CAMTA1: variants seen among roughly 807,000 people sequenced by gnomAD.
CAMTA1 encodes the protein calmodulin binding transcription activator 1.
Under a neutral mutation model 170.9 loss-of-function variants are expected in CAMTA1, and 27 were observed. That is an observed-to-expected ratio of 0.16 (90% CI 0.12 to 0.22). The LOEUF (loss-of-function observed/expected upper bound fraction) is 0.22. CAMTA1 is among the 10% of genes least tolerant of loss of function. The pLI is 1.00. For missense variants in CAMTA1, 1,619 were observed against 2,217.2 expected (o/e 0.73, Z 5.42); for synonymous variants, 833 against 891.5 (o/e 0.93, Z 1.17).
chr1:6,830,582 A>T (rs1470237649), intron 3 of CAMTA1, among the ~76,000 whole-genome samples: 1 of 152,168 alleles, frequency 6.6e-6, no homozygotes, highest in East Asian at 1.9e-4. Flanking sequence ...ACCTCAGGTG[A>T]TCCGCCTGCC....
chr1:7,414,004 A>G (rs375905148), intron 5 of CAMTA1, among the ~76,000 whole-genome samples: 2,128 of 152,254 alleles, frequency 0.014, 50 homozygotes, highest in African/African-American at 0.048. Context: ...TTCTGCATCT[A>G]TTGAGATAAT....
chr1:7,433,050 G>C (rs1230833339), intron 5 of CAMTA1, among the ~76,000 whole-genome samples: 2 of 152,226 alleles, frequency 1.3e-5, no homozygotes, highest in Non-Finnish European at 2.9e-5. Context: ...TGACCACCGG[G>C]TATGCCGGCC....
chr1:7,303,882 A>C (rs1675174822), intron 5 of CAMTA1, among the ~76,000 whole-genome samples: 1 of 152,220 alleles, frequency 6.6e-6, no homozygotes, highest in African/African-American at 2.4e-5. Flanking sequence ...TTACAACAGC[A>C]AGCGAAAGCC....
At chr1:7,622,995 C>A (rs1049022586) in intron 6 of CAMTA1, among the ~76,000 whole-genome samples, 10 of 152,260 alleles carry the variant, frequency 6.6e-5, no homozygotes, top group African/African-American at 2.4e-4. Flanking sequence ...TCTCCCAGAG[C>A]TCCCCACAGC....
At chr1:6,790,072 C>T (rs1036610474) in intron 1 of CAMTA1, among the ~76,000 whole-genome samples, 5 of 151,512 alleles carry the variant, frequency 3.3e-5, no homozygotes, top group African/African-American at 9.7e-5. Flanking sequence ...CCTCAGCCTC[C>T]CTTGCCTCAG....
chr1:7,492,753 A>C, intron 6 of CAMTA1, among the ~76,000 whole-genome samples: 1 of 144,958 alleles, frequency 6.9e-6, no homozygotes, highest in Admixed American at 6.9e-5. Flanking sequence ...GCGCGCACAC[A>C]CACACAAACC....
chr1:7,154,793 C>A (rs1646769899), intron 4 of CAMTA1, among the ~76,000 whole-genome samples: 1 of 152,094 alleles, frequency 6.6e-6, no homozygotes, highest in Non-Finnish European at 1.5e-5. Flanking sequence ...TTATTGGACT[C>A]CAAATCTTTA....
rs1272841719 is a variant in CAMTA1 at position 7,270,230 on chromosome 1, T to TACACAC, written c.438+20609_438+20610insCACACA. On this transcript the variant is annotated intron_variant, in intron 5 of 22. Transcript: ENST00000303635. Reference sequence around the variant, plus strand: ...ATATATATACATATATACATATATATACACATATATACATACACACACACA... The same window carrying TACACAC: ...ATATATATACATATATACATATATATACACACACACATATATACATACACACACACA... 3.2e-4 allele frequency among the ~76,000 whole-genome samples: 29 copies of TACACAC among 91,192 alleles called. 2 individuals carry two copies. The highest frequency in any genetic ancestry group is 1.8e-3 in the South Asian group (5 of 2,790). The allele number at this position is 91,192 out of a possible 152,430, so 59.8% of individuals were successfully genotyped here.
chr1:7,035,266 G>A (rs1463450191), intron 3 of CAMTA1, among the ~76,000 whole-genome samples: 1 of 152,114 alleles, frequency 6.6e-6, no homozygotes, highest in Non-Finnish European at 1.5e-5. Context: ...CGGGTGTGGT[G>A]GCACGCGCCT....
intron 3 of CAMTA1, among the ~76,000 whole-genome samples, chr1:7,012,117 C>T (rs540439942): frequency 4.6e-5 from 7 of 152,270 alleles, no homozygotes; most frequent in Admixed American, 2.6e-4. Context: ...GAGACACCTG[C>T]GGGTGTGCTG....
chr1:6,951,445 G>A (rs1297381888), intron 3 of CAMTA1, among the ~76,000 whole-genome samples: 1 of 152,178 alleles, frequency 6.6e-6, no homozygotes, highest in Admixed American at 6.5e-5. Context: ...GAAAGTCTCT[G>A]GGAGAAGCCT....
intron 3 of CAMTA1, among the ~76,000 whole-genome samples, chr1:6,923,655 C>T (rs1394565815): frequency 2.0e-5 from 3 of 152,000 alleles, no homozygotes; most frequent in South Asian, 2.1e-4. Context: ...TTTCCTGTGG[C>T]GGTGAGCTGG....
chr1:7,103,488 T>C lies in CAMTA1; in HGVS notation c.302+12117T>C, dbSNP rs1434579644. Among the ~76,000 whole-genome samples, 4 of 125,800 alleles carry C rather than the reference T, an allele frequency of 3.2e-5. No homozygotes were observed. In the East Asian group the frequency reaches 7.1e-4, roughly 22 times the overall value. 82.5% of individuals were successfully genotyped at this position (125,800 alleles called of 152,430 possible). A position where few individuals can be genotyped will look rare whatever the true frequency, so the allele number is the denominator to read the frequency against. On this transcript the variant is annotated intron_variant, in intron 4 of 22. Transcript: ENST00000303635. ...ATGTACACAACACACACTACACACG[T>C]ACACACAACACAGATACACACTACA...
chr1:7,739,361 C>G (rs2096793922), intron 16 of CAMTA1, among the ~76,000 whole-genome samples: 1 of 152,128 alleles, frequency 6.6e-6, no homozygotes, highest in South Asian at 2.1e-4. Context: ...CATTGCATCC[C>G]AGGGACCCCT....
chr1:7,631,947 G>A (rs1028323753), intron 6 of CAMTA1, among the ~76,000 whole-genome samples: 2 of 152,208 alleles, frequency 1.3e-5, no homozygotes, highest in African/African-American at 4.8e-5. Flanking sequence ...GCCAGAAGGT[G>A]GGTGAGAGGA....
chr1:6,823,382 C>T (rs1273949002), intron 2 of CAMTA1, among the ~76,000 whole-genome samples: 1 of 152,112 alleles, frequency 6.6e-6, no homozygotes, highest in African/African-American at 2.4e-5. Flanking sequence ...TTTGGTTTCA[C>T]AGGAAGATTT....
rs541016341 is a variant in CAMTA1, at chr1:7,628,762, A to T, written c.511-11638A>T. ...GGCGCACGTGCTTGGAGAGGATGGA[A>T]GAGACAGGGGAGGGCAGCAGGCCTG... On this transcript the variant is annotated intron_variant, in intron 6 of 22. Transcript: ENST00000303635. 3.3e-5 allele frequency among the ~76,000 whole-genome samples: 5 copies of T among 152,364 alleles called. No individual in the cohort carries two copies. The East Asian group carries it at 9.6e-4, about 29-fold the overall frequency.
At chr1:6,955,110 C>T (rs936969958) in intron 3 of CAMTA1, among the ~76,000 whole-genome samples, 5 of 151,616 alleles carry the variant, frequency 3.3e-5, no homozygotes, top group Admixed American at 6.6e-5. Context: ...GAAGAGCATC[C>T]GACCTTTCCC....
chr1:7,377,851 G>A (rs1434918113), intron 5 of CAMTA1, among the ~76,000 whole-genome samples: 1 of 152,082 alleles, frequency 6.6e-6, no homozygotes, highest in Non-Finnish European at 1.5e-5. Flanking sequence ...AACCCGGGAG[G>A]CAGAGGTTGC....
Sources: gnomAD v4.1 joint callset for allele counts (sites outside exome capture counted in the v4.1 genomes callset) on GRCh38, gnomAD v4.1.1 for gene constraint, MANE v1.5 for transcripts, NCBI Gene and HGNC (gene_info 2026-07-23, HGNC 2026-07-21) for gene names.